The following CCDC91 variants were observed in gnomAD, a reference collection of about 807,000 sequenced individuals.
CCDC91 encodes the protein coiled-coil domain-containing protein 91.
A neutral mutation model predicts 63.2 loss-of-function variants in CCDC91; 48 were observed. That is an observed-to-expected ratio of 0.76 (90% CI 0.60 to 0.97). The LOEUF is 0.97. CCDC91 is among the 50% of genes least tolerant of loss of function. The pLI is 0.00. For synonymous variants in CCDC91, 167 were observed against 165.8 expected, an observed-to-expected ratio of 1.01 and a Z score of -0.06; for missense variants, 500 against 494.6, an observed-to-expected ratio of 1.01 and a Z score of -0.10.
At chr12:28,253,269 CT>C (rs1423913868) in intron 1 of CCDC91, among the ~76,000 whole-genome samples, 1 of 152,114 alleles carries the variant, frequency 6.6e-6, no homozygotes, top group African/African-American at 2.4e-5. Context: ...AGCCCAGCCG[CT>C]GTTGTTTTGG....
intron 6 of CCDC91, among the ~76,000 whole-genome samples, chr12:28,348,878 C>T (rs765743220): frequency 8.5e-5 from 13 of 152,160 alleles, no homozygotes; most frequent in Non-Finnish European, 1.3e-4. Flanking sequence ...TGTGCGCCAC[C>T]GTGTCTGACT....
At chr12:28,380,526 G>T (rs1407958764) in intron 7 of CCDC91, among the ~76,000 whole-genome samples, 1 of 152,006 alleles carries the variant, frequency 6.6e-6, no homozygotes, top group Non-Finnish European at 1.5e-5. Context: ...ATTAATTACA[G>T]ATTTCTGCTC....
At chr12:28,194,771 G>T (rs542241799) in intron 1 of CCDC91, among the ~76,000 whole-genome samples, 2 of 151,976 alleles carry the variant, frequency 1.3e-5, no homozygotes, top group East Asian at 1.9e-4. Flanking sequence ...TTGTGGTCTC[G>T]CTGGCCTCAG....
intron 7 of CCDC91, among the ~76,000 whole-genome samples, chr12:28,383,299 T>TAATTCAA (rs1203307404): frequency 6.6e-6 from 1 of 152,198 alleles, no homozygotes; most frequent in Non-Finnish European, 1.5e-5. Flanking sequence ...TACTGCACTG[T>TAATTCAA]AATTCAAATA....
intron 12 of CCDC91, among the ~76,000 whole-genome samples, chr12:28,500,044 G>C (rs2141108172): frequency 6.6e-6 from 1 of 152,196 alleles, no homozygotes; most frequent in Non-Finnish European, 1.5e-5. Context: ...ATTCTAACTG[G>C]CATGAGATGG....
At chr12:28,259,518 A>G (rs2136199370) in intron 3 of CCDC91, 76 bp downstream of exon 3, 10 of 870,160 alleles carry the variant, frequency 1.1e-5, no homozygotes, top group South Asian at 1.0e-4. Flanking sequence ...TTGAAACCCT[A>G]TTTCTCAACT....
At chr12:28,507,697 A>G (rs990780267) in intron 12 of CCDC91, among the ~76,000 whole-genome samples, 1 of 151,976 alleles carries the variant, frequency 6.6e-6, no homozygotes, top group African/African-American at 2.4e-5. Context: ...TGCTGTATCC[A>G]GATTTAATAA....
chr12:28,373,282 T>C (rs1944735951), intron 7 of CCDC91, among the ~76,000 whole-genome samples: 1 of 152,186 alleles, frequency 6.6e-6, no homozygotes, highest in Admixed American at 6.5e-5. Context: ...ACTTTTAGTA[T>C]TTTGACTGTG....
At chr12:28,311,368 AGAGAG>A (rs1939303290) in intron 6 of CCDC91, among the ~76,000 whole-genome samples, 1 of 151,978 alleles carries the variant, frequency 6.6e-6, no homozygotes, top group Admixed American at 6.6e-5. Context: ...GAAAGGAGGG[AGAGAG>A]AGTCTTTTTC....
chr12:28,438,493 T>C lies in CCDC91; in HGVS notation c.763-11668T>C, dbSNP rs114219850. ...CCAAAACTGTGGGAATTTTTTATTA[T>C]GTATAAATCATCCAGTCTGTGGTAT... On this transcript the variant is annotated intron_variant, in intron 8 of 12. Transcript: ENST00000536442. 4.5e-3 allele frequency among the ~76,000 whole-genome samples: 691 copies of C among 152,298 alleles called. 8 individuals carry two copies. Among genetic ancestry groups the C allele is most frequent in the African/African-American group, 0.014 (583 of 41,574 alleles).
intron 6 of CCDC91, among the ~76,000 whole-genome samples, chr12:28,326,889 A>G (rs887534506): frequency 6.6e-5 from 10 of 152,098 alleles, no homozygotes; most frequent in Non-Finnish European, 1.5e-5. Context: ...ACAACAAGCA[A>G]TGAAGGTTTT....
chr12:28,518,210 A>C (rs1202950498), intron 12 of CCDC91, among the ~76,000 whole-genome samples: 1 of 152,004 alleles, frequency 6.6e-6, no homozygotes, highest in Non-Finnish European at 1.5e-5. Context: ...GAATCTCCAC[A>C]CTGTTTTCCA....
At chr12:28,280,924 C>T (rs1411751536) in intron 3 of CCDC91, among the ~76,000 whole-genome samples, 1 of 151,610 alleles carries the variant, frequency 6.6e-6, no homozygotes, top group Non-Finnish European at 1.5e-5. Context: ...CTGCAGTCAG[C>T]CATGATTGTA....
At chr12:28,512,070 A>G (rs1592908875) in intron 12 of CCDC91, among the ~76,000 whole-genome samples, 2 of 151,826 alleles carry the variant, frequency 1.3e-5, no homozygotes, top group South Asian at 4.1e-4. Context: ...AAAAAATCTC[A>G]TTTTTAAAAT....
At chr12:28,504,792 A>G (rs1938497584) in intron 12 of CCDC91, among the ~76,000 whole-genome samples, 1 of 151,958 alleles carries the variant, frequency 6.6e-6, no homozygotes, top group Admixed American at 6.6e-5. Context: ...ATTATAGACC[A>G]AGAAAAAAAT....
At chr12:28,479,296 A>C (rs376813362) in intron 11 of CCDC91, among the ~76,000 whole-genome samples, 2 of 152,180 alleles carry the variant, frequency 1.3e-5, no homozygotes, top group African/African-American at 4.8e-5. Context: ...AAAAAGGAAG[A>C]GTTCATGTCC....
intron 6 of CCDC91, among the ~76,000 whole-genome samples, chr12:28,359,230 T>C (rs1461052901): frequency 1.3e-5 from 2 of 152,204 alleles, no homozygotes; most frequent in Non-Finnish European, 2.9e-5. Context: ...ATGTCATTAT[T>C]CAGAGCCATC....
chr12:28,313,474 T>A (rs1939526901), intron 6 of CCDC91, among the ~76,000 whole-genome samples: 1 of 152,064 alleles, frequency 6.6e-6, no homozygotes, highest in Non-Finnish European at 1.5e-5. Flanking sequence ...AATCTACTCC[T>A]CTACTTAGGC....
chr12:28,462,477 A>G (rs1950353797), intron 11 of CCDC91, among the ~76,000 whole-genome samples: 1 of 152,098 alleles, frequency 6.6e-6, no homozygotes, highest in Non-Finnish European at 1.5e-5. Flanking sequence ...CTGAGACAGC[A>G]AGAGAGCCAT....
Sources: allele counts gnomAD v4.1 joint callset (sites outside exome capture counted in the v4.1 genomes callset), GRCh38; gene constraint gnomAD v4.1.1; transcripts MANE v1.5; gene names NCBI Gene and HGNC (gene_info 2026-07-23, HGNC 2026-07-21).